Variants in CTNNA3 observed in about 807,000 individuals in gnomAD.
The protein encoded by CTNNA3 is catenin alpha-3.
CTNNA3 carries 76 observed loss-of-function variants against 95.7 expected under a neutral mutation model. That is an observed-to-expected ratio of 0.79 (90% confidence interval 0.66 to 0.96). CTNNA3 has a LOEUF of 0.96. CTNNA3 is among the 40% of genes least tolerant of loss of function. CTNNA3 has a pLI of 0.00. For missense variants in CTNNA3, 1,191 were observed against 1,089.8 expected, an observed-to-expected ratio of 1.09 and a Z score of -1.31; for synonymous variants, 431 against 374.4, an observed-to-expected ratio of 1.15 and a Z score of -1.74.
At chr10:67,293,881 G>A (rs1314512662) in intron 5 of CTNNA3, among the ~76,000 whole-genome samples, 1 of 152,084 alleles carries the variant, frequency 6.6e-6, no homozygotes, top group Non-Finnish European at 1.5e-5. Context: ...ATTCCATGGT[G>A]TATATTTGCT....
intron 10 of CTNNA3, among the ~76,000 whole-genome samples, chr10:66,536,088 T>G (rs1041439739): frequency 1.3e-5 from 2 of 151,546 alleles, no homozygotes; most frequent in African/African-American, 2.4e-5. Context: ...AGCTATAGAT[T>G]GTTGTTGAAA....
At chr10:67,372,843 TTTTCAACCCAGAA>T (rs1843531928) in intron 5 of CTNNA3, among the ~76,000 whole-genome samples, 1 of 152,138 alleles carries the variant, frequency 6.6e-6, no homozygotes. Flanking sequence ...AAGAAAAGAA[TTTTCAACCCAGAA>T]TTTCATATCC....
intron 9 of CTNNA3, among the ~76,000 whole-genome samples, chr10:66,668,422 A>ATGTGTGTGTG (rs3055580): frequency 1.7e-4 from 25 of 146,986 alleles, no homozygotes; most frequent in African/African-American, 4.0e-4. Context: ...CAACTCTCAT[A>ATGTGTGTGTG]TGTGTGTGTG....
intron 12 of CTNNA3, among the ~76,000 whole-genome samples, chr10:66,359,065 C>T (rs761245799): frequency 2.0e-5 from 3 of 152,138 alleles, no homozygotes; most frequent in Non-Finnish European, 4.4e-5. Context: ...TTATTGGTAT[C>T]CTCACAGCAA....
intron 7 of CTNNA3, among the ~76,000 whole-genome samples, chr10:67,042,184 T>C (rs953337529): frequency 6.6e-6 from 1 of 152,024 alleles, no homozygotes; most frequent in African/African-American, 2.4e-5. Flanking sequence ...AGAACAAACC[T>C]GGATGTTAGA....
At chr10:66,142,969 G>C (rs2083694174) in intron 13 of CTNNA3, among the ~76,000 whole-genome samples, 1 of 152,022 alleles carries the variant, frequency 6.6e-6, no homozygotes, top group African/African-American at 2.4e-5. Flanking sequence ...TCTGATTTCT[G>C]GCTCTGCTTC....
chr10:66,642,608 C>A (rs946255771), intron 9 of CTNNA3, among the ~76,000 whole-genome samples: 4 of 151,988 alleles, frequency 2.6e-5, no homozygotes, highest in African/African-American at 7.2e-5. Flanking sequence ...AGAAATATTT[C>A]CAAACAAGGT....
At chr10:66,523,177 C>G (rs1391127312) in intron 10 of CTNNA3, among the ~76,000 whole-genome samples, 4 of 152,028 alleles carry the variant, frequency 2.6e-5, no homozygotes, top group Non-Finnish European at 5.9e-5. Context: ...GGCTCTGGTC[C>G]CTGGTGTTTC....
At chr10:66,709,029 C>T (rs772196894) in intron 9 of CTNNA3, among the ~76,000 whole-genome samples, 17 of 152,168 alleles carry the variant, frequency 1.1e-4, no homozygotes, top group South Asian at 4.1e-4. Flanking sequence ...AGTGTGAAAA[C>T]GTCTAGGCCC....
rs1043804494 is a variant in CTNNA3, at chr10:65,913,339, T to C, written c.*6991A>G. ...TCACCCAACTTGCCCAAGAAAATTT[T>C]GTTTTAAGCCTCAATTATTAGGTAC... On this transcript the variant is annotated 3_prime_UTR_variant, in exon 18 of 18. Coordinates refer to ENST00000433211, the MANE Select transcript of CTNNA3 (RefSeq NM_013266.4). 19 of 152,180 alleles carry C rather than the reference T, an allele frequency of 1.2e-4. No homozygotes were observed. Among genetic ancestry groups the C allele is most frequent in the African/African-American group, 4.3e-4 (18 of 41,446 alleles). The allele number at this position is 152,180 out of a possible 1,614,324, so 9.4% of individuals were successfully genotyped here.
chr10:66,695,965 C>T (rs989722413), intron 9 of CTNNA3, among the ~76,000 whole-genome samples: 7 of 151,410 alleles, frequency 4.6e-5, no homozygotes, highest in African/African-American at 1.7e-4. Context: ...TTCAGGTATC[C>T]ATATTCCAAA....
chr10:66,358,534 T>G lies in CTNNA3; in HGVS notation c.1732+20618A>C, dbSNP rs117149943. ...AGGTATACTTACTCCATTTTTAACT[T>G]GGGTTGGTGCCACAAGCTACCCAGT... On this transcript the variant is annotated intron_variant, in intron 12 of 17. Coordinates refer to ENST00000433211, the MANE Select transcript of CTNNA3 (RefSeq NM_013266.4). Among the ~76,000 whole-genome samples, 1,505 of 152,276 alleles carry G rather than the reference T, an allele frequency of 9.9e-3. 15 individuals carry two copies. Among genetic ancestry groups the G allele is most frequent in the Non-Finnish European group, 0.015 (1,053 of 68,014 alleles).
chr10:66,011,140 G>C (rs1295345929), intron 15 of CTNNA3, among the ~76,000 whole-genome samples: 2 of 152,012 alleles, frequency 1.3e-5, no homozygotes, highest in Non-Finnish European at 2.9e-5. Flanking sequence ...TCTTAATTTA[G>C]AGATTTCAGC....
At chr10:66,609,903 G>A (rs1037683801) in intron 10 of CTNNA3, among the ~76,000 whole-genome samples, 4 of 152,090 alleles carry the variant, frequency 2.6e-5, no homozygotes, top group Non-Finnish European at 5.9e-5. Context: ...TATACACCAT[G>A]GAATACTCTG....
At chr10:66,855,728 T>C (rs1843660410) in intron 7 of CTNNA3, among the ~76,000 whole-genome samples, 1 of 152,050 alleles carries the variant, frequency 6.6e-6, no homozygotes, top group South Asian at 2.1e-4. Flanking sequence ...CTTGTTTTCT[T>C]TTTCAAAAGC....
intron 13 of CTNNA3, among the ~76,000 whole-genome samples, chr10:66,220,021 G>A (rs2088828619): frequency 2.6e-5 from 4 of 152,072 alleles, no homozygotes; most frequent in Admixed American, 2.6e-4. Flanking sequence ...TGCTCAGGAG[G>A]CTGAGGCAGG....
intron 1 of CTNNA3, among the ~76,000 whole-genome samples, chr10:67,678,391 G>A (rs1840570304): frequency 6.6e-6 from 1 of 152,136 alleles, no homozygotes; most frequent in African/African-American, 2.4e-5. Context: ...AGACAATGAA[G>A]TAATTAAAAT....
intron 9 of CTNNA3, among the ~76,000 whole-genome samples, chr10:66,679,830 AC>A (rs1320084901): frequency 2.6e-5 from 4 of 152,172 alleles, no homozygotes; most frequent in African/African-American, 9.7e-5. Flanking sequence ...CTGACACTAC[AC>A]TTTCAAGCAA....
At chr10:66,567,570 T>C (rs1476343613) in intron 10 of CTNNA3, among the ~76,000 whole-genome samples, 1 of 151,978 alleles carries the variant, frequency 6.6e-6, no homozygotes, top group African/African-American at 2.4e-5. Flanking sequence ...GGTGAATCAT[T>C]ATTGCATCTC....
Sources: gnomAD v4.1 joint callset for allele counts (sites outside exome capture counted in the v4.1 genomes callset) on GRCh38, gnomAD v4.1.1 for gene constraint, MANE v1.5 for transcripts, NCBI Gene and HGNC (gene_info 2026-07-23, HGNC 2026-07-21) for gene names.